The following BMP7 variants were observed in gnomAD, a reference collection of about 807,000 sequenced individuals.
BMP7 encodes the protein osteogenic protein 1.
BMP7 carries 12 observed loss-of-function variants against 41.2 expected under a neutral mutation model. That is an observed-to-expected ratio of 0.29 (90% CI 0.19 to 0.47). The LOEUF (loss-of-function observed/expected upper bound fraction) is 0.47, where lower values mean the gene tolerates loss of function less well. Ranked by LOEUF, BMP7 falls within the 20% of genes least tolerant of loss-of-function variation. The pLI is 0.99. For missense variants in BMP7, 467 were observed against 606.0 expected, an observed-to-expected ratio of 0.77 and a Z score of 2.41; for synonymous variants, 248 against 250.0, an observed-to-expected ratio of 0.99 and a Z score of 0.07.
rs541873241 is a variant in BMP7 at position 57,214,713 on chromosome 20, C to T, written c.612-12090G>A. Among the ~76,000 whole-genome samples the T allele has an allele frequency of 2.0e-5, 3 of 152,322 alleles. No homozygotes were observed. The highest frequency in any genetic ancestry group is 1.9e-4 in the East Asian group (1 of 5,182). On this transcript the variant is annotated intron_variant, in intron 2 of 6. Transcript: ENST00000395863. The surrounding 1 kb of genome is among the most constrained non-coding windows in gnomAD (Gnocchi z 4.0). ...CCTAATGGTGCATCCACGTCGGACA[C>T]GCTCCAAGCCCAAGTCCTCTCCCCT... is the stretch of plus-strand genomic sequence containing the variant.
At chr20:57,193,918 T>G (rs1179697401) in intron 3 of BMP7, among the ~76,000 whole-genome samples, 2 of 152,200 alleles carry the variant, frequency 1.3e-5, no homozygotes, top group Admixed American at 1.3e-4. Context: ...CAGAGCAGAT[T>G]GGAGAAGGCC....
At chr20:57,173,465 A>C in intron 5 of BMP7, 155 bp from the exon 6 acceptor site, 1 of 742,480 alleles carries the variant, frequency 1.3e-6, no homozygotes. Flanking sequence ...CAGCAGGGGC[A>C]GGAAACATGG....
chr20:57,175,017 C>T lies in BMP7; in HGVS notation c.959-10G>A, dbSNP rs778234407. ...TCGCTGCTGCTGTTCTCTGCATTGA[C>T]AAGGAAGTGAAGAAGCAGAGCCCAG... On this transcript the variant is annotated splice_polypyrimidine_tract_variant and intron_variant, in intron 4 of 6. Transcript: ENST00000395863. 5 of 1,609,138 alleles carry T rather than the reference C, an allele frequency of 3.1e-6. No homozygotes were observed. The highest frequency in any genetic ancestry group is 4.5e-5 in the East Asian group (2 of 44,824).
At chr20:57,189,750 A>C (rs1600732679) in intron 3 of BMP7, among the ~76,000 whole-genome samples, 1 of 152,306 alleles carries the variant, frequency 6.6e-6, no homozygotes, top group Admixed American at 6.5e-5. Flanking sequence ...TTGAACAACT[A>C]ACTTGTTTTT....
At chr20:57,241,274 C>T (rs1210840841) in intron 1 of BMP7, among the ~76,000 whole-genome samples, 1 of 152,232 alleles carries the variant, frequency 6.6e-6, no homozygotes, top group African/African-American at 2.4e-5. Flanking sequence ...TCTTGGCACA[C>T]TCGATGCACT....
intron 3 of BMP7, among the ~76,000 whole-genome samples, chr20:57,197,383 C>T (rs905856177): frequency 6.6e-6 from 1 of 152,142 alleles, no homozygotes; most frequent in Non-Finnish European, 1.5e-5. Context: ...GTTAGAGGGT[C>T]CTGGGGTCTC....
At chr20:57,241,105 AC>A (rs1304091467) in intron 1 of BMP7, among the ~76,000 whole-genome samples, 1 of 151,896 alleles carries the variant, frequency 6.6e-6, no homozygotes, top group East Asian at 1.9e-4. Context: ...GCTCAGACTG[AC>A]TCTTGCCCAG....
Position 57,181,561 on chromosome 20 carries a change from T to G in BMP7, c.958+2161A>C, listed in dbSNP as rs528366827. ...CACTTTGCCAACAAAGATGTATTCT[T>G]TCCTATCGCTGCTTTAACAAATTAA... is the stretch of plus-strand genomic sequence containing the variant. On this transcript the variant is annotated intron_variant, in intron 4 of 6. Transcript: ENST00000395863. 2.6e-5 allele frequency among the ~76,000 whole-genome samples: 4 copies of G among 152,240 alleles called. No individual in the cohort carries two copies. The East Asian group carries it at 7.7e-4, about 29-fold the overall frequency.
chr20:57,260,415 TCTC>T (rs2066149494), intron 1 of BMP7, among the ~76,000 whole-genome samples: 1 of 152,160 alleles, frequency 6.6e-6, no homozygotes. Flanking sequence ...GGTGACGTCA[TCTC>T]CTCAGCTCAA....
intron 4 of BMP7, 68 bp downstream of exon 4, chr20:57,183,654 T>C (rs1984139800): frequency 6.3e-7 from 1 of 1,599,230 alleles, no homozygotes; most frequent in Non-Finnish European, 8.5e-7. Context: ...GTCAGTCTCC[T>C]GCCGGGTCCC....
intron 3 of BMP7, among the ~76,000 whole-genome samples, chr20:57,193,653 G>A (rs972946222): frequency 3.9e-5 from 6 of 152,206 alleles, no homozygotes; most frequent in African/African-American, 1.4e-4. Context: ...CTGTATGTAA[G>A]TAGCATAATT....
intron 1 of BMP7, among the ~76,000 whole-genome samples, chr20:57,263,670 C>T (rs890156161): frequency 6.6e-5 from 10 of 152,184 alleles, no homozygotes; most frequent in Admixed American, 1.3e-4. Context: ...AGGGAAGATG[C>T]TATAAATCCC....
rs573302224 is a variant in BMP7, at chr20:57,182,881, C to T, written c.958+841G>A. 1.1e-4 allele frequency among the ~76,000 whole-genome samples: 16 copies of T among 152,286 alleles called. No homozygotes were observed. In the South Asian group the frequency reaches 3.3e-3, roughly 32 times the overall value. On this transcript the variant is annotated intron_variant, in intron 4 of 6. Coordinates refer to ENST00000395863, the MANE Select transcript of BMP7 (RefSeq NM_001719.3). ...ATATTATCTTTAATTTTTTTAAAACCTATCGTAAATAAACATTTCAAACAA... is the reference window on the plus strand; with the variant it reads ...ATATTATCTTTAATTTTTTTAAAACTTATCGTAAATAAACATTTCAAACAA...
At chr20:57,226,824 CTTTTTT>C (rs36113686) in intron 2 of BMP7, among the ~76,000 whole-genome samples, 3 of 123,184 alleles carry the variant, frequency 2.4e-5, no homozygotes, top group African/African-American at 9.6e-5. Flanking sequence ...TACTCAAAAA[CTTTTTT>C]TTTTTTTTTT....
At chr20:57,231,216 T>G (rs1481317619) in intron 1 of BMP7, among the ~76,000 whole-genome samples, 2 of 152,246 alleles carry the variant, frequency 1.3e-5, no homozygotes, top group Non-Finnish European at 2.9e-5. Context: ...CTTGTGTAAT[T>G]CATCCACGTC....
At chr20:57,245,707 C>T (rs1366695142) in intron 1 of BMP7, among the ~76,000 whole-genome samples, 1 of 146,462 alleles carries the variant, frequency 6.8e-6, no homozygotes. Flanking sequence ...GGCGTGATCT[C>T]GGTTCACTGC....
At position 57,265,992 on chromosome 20, in the gene BMP7, C is replaced by T. The variant is rs1203582968; in HGVS notation, c.131G>A (p.Arg44Gln). The T allele has an allele frequency of 6.4e-7, 1 of 1,550,442 alleles. No individual in the cohort carries two copies. Among genetic ancestry groups the T allele is most frequent in the Admixed American group, 2.0e-5 (1 of 51,026 alleles). Residue 44 changes from arginine (R) to glutamine (Q), a missense_variant, in exon 1 of 7, where the codon CGG becomes CAG. Arg to Gln is a conservative substitution (Grantham distance 43). This residue lies in a region of BMP7 where 407 missense variants were observed against 485.9 expected (regional missense o/e 0.84). Transcript: ENST00000395863. ...DNEVHSSFIHRRLRSQERREM... is the reference protein window; with the variant it reads ...DNEVHSSFIHQRLRSQERREM... ...CCGCCGCTCCTGGCTGCGGAGGCGC[C>T]GGTGGATGAAGCTCGAGTGCACCTC...
chr20:57,202,085 C>G (rs1348070171), intron 3 of BMP7, among the ~76,000 whole-genome samples: 3 of 152,080 alleles, frequency 2.0e-5, no homozygotes, highest in Admixed American at 1.3e-4. Context: ...TGCTAAACAC[C>G]CTGCCGTGCA....
At chr20:57,234,452 G>A (rs1338859019) in intron 1 of BMP7, among the ~76,000 whole-genome samples, 1 of 152,182 alleles carries the variant, frequency 6.6e-6, no homozygotes, top group African/African-American at 2.4e-5. Context: ...CCCTGGTCTG[G>A]TAGTCCCTGC....
Sources: gnomAD v4.1 joint callset for allele counts (sites outside exome capture counted in the v4.1 genomes callset) on GRCh38, gnomAD v4.1.1 for gene constraint, gnomAD v4.1.1 regional missense constraint, Gnocchi (gnomAD v3.1) non-coding constraint, MANE v1.5 for transcripts, NCBI Gene and HGNC (gene_info 2026-07-23, HGNC 2026-07-21) for gene names.